COQ5: variants seen among roughly 807,000 people sequenced by gnomAD.
The protein encoded by COQ5 is coenzyme Q5, methyltransferase, also known as 2-methoxy-6-polyprenyl-1,4-benzoquinol methylase, mitochondrial.
A neutral mutation model predicts 40.5 loss-of-function variants in COQ5; 27 were observed. The observed-to-expected ratio is 0.67, with a 90% confidence interval of 0.49 to 0.92. COQ5 has a LOEUF of 0.92. Among genes scored for constraint, COQ5 ranks in the 40% least tolerant of loss-of-function variants. COQ5 has a pLI of 0.00. For missense variants in COQ5, 409 were observed against 406.4 expected, an observed-to-expected ratio of 1.01 and a Z score of -0.06; for synonymous variants, 141 against 150.0, an observed-to-expected ratio of 0.94 and a Z score of 0.44.
intron 3 of COQ5, among the ~76,000 whole-genome samples, chr12:120,512,132 C>T (rs1267934142): frequency 6.6e-6 from 1 of 151,942 alleles, no homozygotes; most frequent in Non-Finnish European, 1.5e-5. Flanking sequence ...ATGGTGTGAA[C>T]CTGGGAGGTG....
At chr12:120,522,702 C>T in intron 1 of COQ5, 1 of 654,774 alleles carries the variant, frequency 1.5e-6, no homozygotes, top group South Asian at 1.8e-5. Context: ...CCTTTGGGAG[C>T]CTAAGCTGGA....
At chr12:120,508,836 C>T (rs569846489) in intron 4 of COQ5, among the ~76,000 whole-genome samples, 22 of 151,854 alleles carry the variant, frequency 1.4e-4, no homozygotes, top group Middle Eastern at 3.4e-3. Flanking sequence ...CCATCCTGGC[C>T]AACATAGTGA....
intron 3 of COQ5, among the ~76,000 whole-genome samples, chr12:120,515,070 G>A (rs1869322330): frequency 6.6e-6 from 1 of 151,996 alleles, no homozygotes; most frequent in Non-Finnish European, 1.5e-5. Flanking sequence ...TGAGATTACA[G>A]GCGTGAGCCA....
At chr12:120,523,361 T>A (rs1869770819) in intron 1 of COQ5, 4 of 347,756 alleles carry the variant, frequency 1.2e-5, no homozygotes, top group South Asian at 1.1e-4. Flanking sequence ...AGGATTCATA[T>A]CTTTGTGATC....
intron 3 of COQ5, among the ~76,000 whole-genome samples, chr12:120,512,210 AAAAATAAAAT>A (rs565767722): frequency 1.2e-4 from 18 of 152,232 alleles, no homozygotes; most frequent in Admixed American, 9.8e-4. Context: ...ACTCCGTCTC[AAAAATAAAAT>A]AAAATAAAAT....
Position 120,508,269 on chromosome 12 carries a change from C to T in COQ5, c.681+1748G>A, listed in dbSNP as rs146157264. Reference sequence around the variant, plus strand: ...TCGGCCTCCTAAAGAGTTGGGAGGCCAGCCTGGAGGCCTCCAAAGAGTTCA... The same window carrying T: ...TCGGCCTCCTAAAGAGTTGGGAGGCTAGCCTGGAGGCCTCCAAAGAGTTCA... On this transcript the variant is annotated intron_variant, in intron 4 of 6. Coordinates refer to ENST00000288532, the MANE Select transcript of COQ5 (RefSeq NM_032314.4). Among the ~76,000 whole-genome samples, 255 of 152,134 alleles carry T rather than the reference C, an allele frequency of 1.7e-3. 1 individual carries two copies. Among genetic ancestry groups the T allele is most frequent in the Middle Eastern group, 0.01 (3 of 294 alleles).
At chr12:120,512,588 G>C (rs1279935940) in intron 3 of COQ5, among the ~76,000 whole-genome samples, 11 of 151,916 alleles carry the variant, frequency 7.2e-5, no homozygotes, top group Admixed American at 6.6e-4. Context: ...TGACAAAGCA[G>C]GACTCTGTCT....
chr12:120,523,609 T>C (rs2137092565), intron 1 of COQ5, among the ~76,000 whole-genome samples: 1 of 152,332 alleles, frequency 6.6e-6, no homozygotes, highest in Non-Finnish European at 1.5e-5. Flanking sequence ...TTTGTAAAAA[T>C]GCCATCCATA....
At chr12:120,526,705 T>TTTTTG in intron 1 of COQ5, among the ~76,000 whole-genome samples, 1 of 47,432 alleles carries the variant, frequency 2.1e-5, no homozygotes, top group African/African-American at 6.6e-5. Context: ...GCAATTTTTT[T>TTTTTG]TTTTTTTTTT....
chr12:120,522,518 C>A, intron 1 of COQ5, 155 bp from the exon 2 acceptor site: 1 of 715,798 alleles, frequency 1.4e-6, no homozygotes, highest in Non-Finnish European at 2.4e-6. Flanking sequence ...TACACCTTAA[C>A]ATTACCTCTT....
chr12:120,504,064 C>G lies in COQ5; in HGVS notation c.788G>C (p.Ser263Thr). The G allele has an allele frequency of 6.2e-7, 1 of 1,605,454 alleles. No individual in the cohort carries two copies. Among genetic ancestry groups the G allele is most frequent in the Non-Finnish European group, 8.5e-7 (1 of 1,172,288 alleles). ...PLISRLYDLY[S>T]FQVIPVLGEV... ...TCCCAGGACAGGGATGACCTGGAAG[C>G]TATATAGATCATAAAGCCTAGGCAA... The change falls in exon 6 of 7, where the codon AGC (serine) becomes ACC (threonine). Residue 263 changes from serine to threonine, a missense_variant. Physicochemically the swap from Ser to Thr is moderately conservative, Grantham distance 58 (BLOSUM62 1). Coordinates refer to ENST00000288532, the MANE Select transcript of COQ5 (RefSeq NM_032314.4).
chr12:120,507,211 C>T (rs948659381), intron 4 of COQ5, among the ~76,000 whole-genome samples: 1 of 151,820 alleles, frequency 6.6e-6, no homozygotes, highest in African/African-American at 2.4e-5. Flanking sequence ...TTGAATAGCA[C>T]AAGATTAGAA....
intron 3 of COQ5, among the ~76,000 whole-genome samples, chr12:120,510,968 G>A (rs1869103961): frequency 6.6e-6 from 1 of 152,026 alleles, no homozygotes; most frequent in South Asian, 2.1e-4. Flanking sequence ...TCTAACAAGG[G>A]CCTTAAAAAT....
At chr12:120,528,026 A>AAAAAAAC (rs1870042605) in intron 1 of COQ5, among the ~76,000 whole-genome samples, 26 of 109,654 alleles carry the variant, frequency 2.4e-4, no homozygotes, top group East Asian at 5.2e-4. Context: ...AAAAAAAGAA[A>AAAAAAAC]CCCCGTCTCT....
Position 120,529,049 on chromosome 12 carries a change from G to A in COQ5, c.93C>T (p.Ser31=). The A allele has an allele frequency of 6.2e-7, 1 of 1,614,152 alleles. No individual in the cohort carries two copies. The highest frequency in any genetic ancestry group is 8.5e-7 in the Non-Finnish European group (1 of 1,180,030). Residue 31 remains serine (S), a synonymous_variant, in exon 1 of 7, where the codon AGC becomes AGT. Coordinates refer to ENST00000288532, the MANE Select transcript of COQ5 (RefSeq NM_032314.4). ...MRGCQLLGLR[S]SWPGDLLSAR... The stretch of plus-strand genomic sequence containing the variant: ...CACTTAGTAGGTCCCCGGGCCAAGA[G>A]CTACGAAGCCCGAGGAGCTGGCAGC...
intron 2 of COQ5, among the ~76,000 whole-genome samples, chr12:120,519,386 T>C (rs974220311): frequency 2.2e-4 from 33 of 151,792 alleles, no homozygotes; most frequent in Non-Finnish European, 7.4e-5. Context: ...TAGTAAAACC[T>C]TGCCTATACT....
chr12:120,516,739 T>C lies in COQ5; in HGVS notation c.402A>G (p.Arg134=), dbSNP rs957487354. 6.2e-6 allele frequency: 10 copies of C among 1,614,110 alleles called. No homozygotes were observed. The highest frequency in any genetic ancestry group is 8.5e-6 in the Non-Finnish European group (10 of 1,180,050). The change falls in exon 3 of 7, where the codon AGA becomes AGG. Residue 134 remains arginine, a synonymous_variant. Transcript: ENST00000288532. ...FLNYVQSQHQ[R]KQKRQLRAQQ... ...GGGCCCTTAACTGCCTCTTCTGTTTTCTCTGATGCTGGGACTGAACATAAT... is the reference window on the plus strand; with the variant it reads ...GGGCCCTTAACTGCCTCTTCTGTTTCCTCTGATGCTGGGACTGAACATAAT...
intron 3 of COQ5, among the ~76,000 whole-genome samples, chr12:120,515,039 C>T (rs1869320222): frequency 6.6e-6 from 1 of 152,078 alleles, no homozygotes; most frequent in Admixed American, 6.6e-5. Flanking sequence ...GGATCCACCC[C>T]CCCTCGGCCT....
intron 4 of COQ5, among the ~76,000 whole-genome samples, chr12:120,507,833 GC>G (rs1326326028): frequency 2.7e-5 from 4 of 148,564 alleles, no homozygotes; most frequent in Non-Finnish European, 6.0e-5. Context: ...GTTTCAGTGA[GC>G]CCAGATCTCT....
Sources: gnomAD v4.1 joint callset for allele counts (sites outside exome capture counted in the v4.1 genomes callset) on GRCh38, gnomAD v4.1.1 for gene constraint, MANE v1.5 for transcripts, NCBI Gene and HGNC (gene_info 2026-07-23, HGNC 2026-07-21) for gene names.